Variants in B3GALNT2 observed in about 807,000 individuals in gnomAD.
B3GALNT2 encodes UDP-GalNAc:beta-1,3-N-acetylgalactosaminyltransferase 2.
A neutral mutation model predicts 61.1 loss-of-function variants in B3GALNT2; 53 were observed. The ratio of observed to expected loss-of-function variants is 0.87; its 90% CI spans 0.70 to 1.09. B3GALNT2 has a LOEUF of 1.09. Among genes scored for constraint, B3GALNT2 ranks in the 50% least tolerant of loss-of-function variants. B3GALNT2 has a pLI of 0.00. For missense variants in B3GALNT2, 544 were observed against 623.0 expected, an observed-to-expected ratio of 0.87 and a Z score of 1.35; for synonymous variants, 223 against 237.4, an observed-to-expected ratio of 0.94 and a Z score of 0.56.
At chr1:235,454,576 T>C (rs992523358) in intron 9 of B3GALNT2, among the ~76,000 whole-genome samples, 1 of 152,002 alleles carries the variant, frequency 6.6e-6, no homozygotes, top group Non-Finnish European at 1.5e-5. Context: ...GTAGCTGGGA[T>C]TACAGGCGCA....
At chr1:235,445,180 A>C (rs1682160784), downstream of B3GALNT2, among the ~76,000 whole-genome samples, 1 of 152,266 alleles carries the variant, frequency 6.6e-6, no homozygotes, top group Non-Finnish European at 1.5e-5. Flanking sequence ...GTAAGCCAGC[A>C]GATTACAAGG....
At position 235,448,014 on chromosome 1, in the gene B3GALNT2, G is replaced by C. The variant is rs142839029; in HGVS notation, c.*2192C>G. On this transcript the variant is annotated 3_prime_UTR_variant, in exon 12 of 12. Transcript: ENST00000366600. ...TCACGAGGTCAGGAGTTCAAGACCA[G>C]CCTGGCCAACATGGTGAAACCCCGT... Among the ~76,000 whole-genome samples the C allele has an allele frequency of 4.6e-5, 7 of 151,994 alleles. No individual in the cohort carries two copies. Among genetic ancestry groups the C allele is most frequent in the African/African-American group, 1.4e-4 (6 of 41,396 alleles).
chr1:235,480,005 C>A (rs568296530), intron 5 of B3GALNT2, 49 bp downstream of exon 5: 1 of 1,607,878 alleles, frequency 6.2e-7, no homozygotes, highest in Admixed American at 1.7e-5. Context: ...CACGCCCACT[C>A]CTATGAAGGA....
At chr1:235,470,761 G>T in intron 6 of B3GALNT2, 89 bp downstream of exon 6, 1 of 1,518,936 alleles carries the variant, frequency 6.6e-7, no homozygotes, top group Non-Finnish European at 8.8e-7. Flanking sequence ...GCTCCATGCT[G>T]CCTGGGCTCT....
At chr1:235,482,611 A>C (rs1003363809) in intron 4 of B3GALNT2, among the ~76,000 whole-genome samples, 21 of 152,122 alleles carry the variant, frequency 1.4e-4, no homozygotes, top group East Asian at 5.8e-4. Flanking sequence ...CTAAAACAAA[A>C]AAAAAAAATC....
At chr1:235,458,165 C>T (rs1429972235) in intron 8 of B3GALNT2, among the ~76,000 whole-genome samples, 2 of 152,156 alleles carry the variant, frequency 1.3e-5, no homozygotes, top group African/African-American at 4.8e-5. Flanking sequence ...GCCTTGGCTT[C>T]CCAAAGTGCT....
chr1:235,484,227 T>C (rs1684690618), intron 4 of B3GALNT2, 95 bp downstream of exon 4: 3 of 1,464,690 alleles, frequency 2.0e-6, no homozygotes, highest in East Asian at 2.4e-5. Flanking sequence ...GAGAGAATTA[T>C]ATAGTCTTCC....
intron 5 of B3GALNT2, 78 bp downstream of exon 5, chr1:235,479,976 G>C (rs888261689): frequency 1.3e-6 from 2 of 1,564,726 alleles, no homozygotes; most frequent in Non-Finnish European, 1.7e-6. Flanking sequence ...AAAATATCAA[G>C]TGCCTGCCCC....
At chr1:235,462,511 T>TGC (rs1190252705) in intron 7 of B3GALNT2, among the ~76,000 whole-genome samples, 5 of 152,300 alleles carry the variant, frequency 3.3e-5, no homozygotes, top group Admixed American at 3.3e-4. Flanking sequence ...ATGGATCTGT[T>TGC]CAGCAATGTT....
At chr1:235,476,411 TAAACAAAC>T (rs111689826) in intron 5 of B3GALNT2, among the ~76,000 whole-genome samples, 15 of 148,074 alleles carry the variant, frequency 1.0e-4, no homozygotes, top group African/African-American at 3.0e-4. Context: ...ACTCCGTTTC[TAAACAAAC>T]AAACAAACAA....
intron 5 of B3GALNT2, chr1:235,479,429 T>C (rs1684452350): frequency 6.6e-6 from 1 of 152,296 alleles, no homozygotes; most frequent in South Asian, 2.1e-4. Context: ...TAATTTGTTA[T>C]GTCTGATCCT....
chr1:235,461,519 T>TG (rs1402134749), intron 7 of B3GALNT2, among the ~76,000 whole-genome samples: 19 of 135,356 alleles, frequency 1.4e-4, no homozygotes, highest in South Asian at 5.2e-4. Context: ...TTTTTTTTTT[T>TG]TTTTTTTTTT....
downstream of B3GALNT2, among the ~76,000 whole-genome samples, chr1:235,444,844 T>G (rs146367553): frequency 1.2e-4 from 18 of 152,400 alleles, no homozygotes; most frequent in East Asian, 3.5e-3. Flanking sequence ...TAGACCTGTT[T>G]CGTTAAGCTT....
intron 5 of B3GALNT2, among the ~76,000 whole-genome samples, chr1:235,478,227 A>T (rs962506636): frequency 5.9e-5 from 9 of 151,940 alleles, no homozygotes; most frequent in Non-Finnish European, 1.0e-4. Context: ...TAATTTTTGT[A>T]TTTTTAGTAG....
intron 3 of B3GALNT2, among the ~76,000 whole-genome samples, 183 bp downstream of exon 3, chr1:235,488,985 G>A (rs565560515): frequency 9.2e-5 from 14 of 152,150 alleles, no homozygotes; most frequent in Admixed American, 7.2e-4. Flanking sequence ...CGGAGTTTGA[G>A]GTTATAGTGA....
chr1:235,488,023 G>C (rs918799865), intron 3 of B3GALNT2, among the ~76,000 whole-genome samples: 1 of 151,916 alleles, frequency 6.6e-6, no homozygotes, highest in Non-Finnish European at 1.5e-5. Flanking sequence ...TCCTCCCACC[G>C]TGGTGTCCCA....
chr1:235,470,857 ACT>A lies in B3GALNT2; in HGVS notation c.753_754del (p.Arg251SerfsTer12). 6.2e-7 allele frequency: 1 copy of A among 1,613,682 alleles called. No individual in the cohort carries two copies. The highest frequency in any genetic ancestry group is 8.5e-7 in the Non-Finnish European group (1 of 1,179,842). ...TAAAAAAAAACGACTTACTGTAATG[ACT>A]CTGAGAACTCCCCCTCCATCATTCA... is the stretch of plus-strand genomic sequence containing the variant. On this transcript the variant is annotated frameshift_variant, in exon 6 of 12. Coordinates refer to ENST00000366600, the MANE Select transcript of B3GALNT2 (RefSeq NM_152490.5). LOFTEE classifies it high-confidence loss of function.
chr1:235,498,798 C>T (rs983785175), intron 1 of B3GALNT2, among the ~76,000 whole-genome samples: 4 of 140,428 alleles, frequency 2.8e-5, no homozygotes, highest in Non-Finnish European at 6.0e-5. Flanking sequence ...CAGCCAAGAT[C>T]CCGCCACTGC....
intron 4 of B3GALNT2, among the ~76,000 whole-genome samples, chr1:235,482,484 T>C (rs893407172): frequency 6.6e-6 from 1 of 151,820 alleles, no homozygotes; most frequent in Non-Finnish European, 1.5e-5. Context: ...GAAATACACA[T>C]ACAAGGCAGA....
Sources: allele counts gnomAD v4.1 joint callset (sites outside exome capture counted in the v4.1 genomes callset), GRCh38; gene constraint gnomAD v4.1.1; transcripts MANE v1.5; gene names NCBI Gene and HGNC (gene_info 2026-07-23, HGNC 2026-07-21).